The following DPP10 variants were observed in gnomAD, a reference collection of about 807,000 sequenced individuals.
DPP10 encodes dipeptidyl peptidase like 10.
In DPP10, 33 loss-of-function variants were observed where a neutral mutation model predicts 120.9. The ratio of observed to expected loss-of-function variants is 0.27; its 90% confidence interval spans 0.21 to 0.37. The LOEUF is 0.37. DPP10 is among the 10% of genes least tolerant of loss of function. The pLI, the probability that DPP10 is intolerant of heterozygous loss-of-function variation, is 1.00. For missense variants in DPP10, 816 were observed against 942.8 expected, an observed-to-expected ratio of 0.87 and a Z score of 1.76; for synonymous variants, 337 against 326.1, an observed-to-expected ratio of 1.03 and a Z score of -0.36.
intron 3 of DPP10, among the ~76,000 whole-genome samples, chr2:115,388,012 C>T (rs2067067691): frequency 6.6e-6 from 1 of 152,108 alleles, no homozygotes; most frequent in African/African-American, 2.4e-5. Flanking sequence ...ACAGAAAGCA[C>T]CTACACATGT....
intron 17 of DPP10, among the ~76,000 whole-genome samples, chr2:115,784,305 A>C (rs1683099948): frequency 6.6e-6 from 1 of 152,190 alleles, no homozygotes; most frequent in African/African-American, 2.4e-5. Flanking sequence ...TTTTTGGGCC[A>C]CATGAAGTAG....
chr2:114,985,807 G>A lies in DPP10; in HGVS notation c.61-323432G>A, dbSNP rs576975192. Among the ~76,000 whole-genome samples, 6 of 152,172 alleles carry A rather than the reference G, an allele frequency of 3.9e-5. No individual in the cohort carries two copies. In the South Asian group the frequency reaches 6.2e-4, roughly 16 times the overall value. Reference sequence around the variant, plus strand: ...AATCATTTATCTGTTTACCTGTTGCGTGTGTGTAATGTCTACAGCTTTATC... The same window carrying A: ...AATCATTTATCTGTTTACCTGTTGCATGTGTGTAATGTCTACAGCTTTATC... On this transcript the variant is annotated intron_variant, in intron 1 of 25. Coordinates refer to ENST00000410059, the MANE Select transcript of DPP10 (RefSeq NM_020868.6).
At chr2:115,813,140 C>A (rs1283653139) in intron 19 of DPP10, among the ~76,000 whole-genome samples, 1 of 147,008 alleles carries the variant, frequency 6.8e-6, no homozygotes, top group Non-Finnish European at 1.5e-5. Flanking sequence ...CGCCACCGCG[C>A]CCGGCTAATT....
At chr2:115,561,358 CAAAAAAAA>C (rs11421762) in intron 5 of DPP10, among the ~76,000 whole-genome samples, 48 of 59,820 alleles carry the variant, frequency 8.0e-4, no homozygotes, top group South Asian at 4.3e-3. Context: ...GACTCCATCA[CAAAAAAAA>C]AAAAAAAAAA....
At chr2:114,689,807 A>C (rs1335813087) in intron 1 of DPP10, among the ~76,000 whole-genome samples, 1 of 151,478 alleles carries the variant, frequency 6.6e-6, no homozygotes, top group East Asian at 2.0e-4. Flanking sequence ...TGAGGTTTTG[A>C]TTTGCGTTTC....
chr2:115,280,412 G>T (rs1303980004), intron 1 of DPP10, among the ~76,000 whole-genome samples: 1 of 152,160 alleles, frequency 6.6e-6, no homozygotes, highest in African/African-American at 2.4e-5. Context: ...GCCCAAAGCT[G>T]CACTCCGGAA....
At chr2:115,104,170 C>CTTTTTTTTT (rs35125894) in intron 1 of DPP10, among the ~76,000 whole-genome samples, 8 of 84,652 alleles carry the variant, frequency 9.5e-5, no homozygotes, top group African/African-American at 1.4e-4. Context: ...ATACATATGT[C>CTTTTTTTTT]TTTTTTTTTT....
intron 1 of DPP10, among the ~76,000 whole-genome samples, chr2:114,774,327 T>C (rs1440412080): frequency 2.0e-5 from 3 of 152,104 alleles, no homozygotes; most frequent in Admixed American, 6.6e-5. Context: ...TGCACAGCAG[T>C]AAGTGGAGTC....
chr2:114,760,003 C>G (rs140184752), intron 1 of DPP10, among the ~76,000 whole-genome samples: 1 of 152,158 alleles, frequency 6.6e-6, no homozygotes, highest in East Asian at 1.9e-4. Flanking sequence ...CTTCTTAAAT[C>G]GTCAAGTCAC....
intron 1 of DPP10, among the ~76,000 whole-genome samples, chr2:115,090,960 AC>A (rs1341200517): frequency 6.6e-6 from 1 of 152,122 alleles, no homozygotes; most frequent in Non-Finnish European, 1.5e-5. Flanking sequence ...TTAGGCTGAT[AC>A]CGTTTAGATT....
intron 1 of DPP10, among the ~76,000 whole-genome samples, chr2:114,622,176 T>G (rs532339272): frequency 6.6e-6 from 1 of 151,934 alleles, no homozygotes; most frequent in Non-Finnish European, 1.5e-5. Context: ...AAAACTAGCT[T>G]TTATTGAATG....
chr2:114,623,203 A>G (rs1001057248), intron 1 of DPP10, among the ~76,000 whole-genome samples: 6 of 152,100 alleles, frequency 3.9e-5, no homozygotes, highest in Non-Finnish European at 8.8e-5. Flanking sequence ...AATGCACTGA[A>G]TATTAAATGC....
At chr2:115,791,624 G>T (rs10201119) in intron 19 of DPP10, among the ~76,000 whole-genome samples, 292 of 152,266 alleles carry the variant, frequency 1.9e-3, no homozygotes, top group African/African-American at 6.8e-3. Flanking sequence ...GTGGGTGTCT[G>T]CTTAGCAATT....
intron 1 of DPP10, among the ~76,000 whole-genome samples, chr2:114,798,569 T>C (rs1024479606): frequency 6.6e-6 from 1 of 152,100 alleles, no homozygotes; most frequent in Non-Finnish European, 1.5e-5. Context: ...CATCTTATGA[T>C]TGCATCTGCA....
At chr2:115,568,200 A>C (rs1486631408) in intron 5 of DPP10, among the ~76,000 whole-genome samples, 1 of 142,772 alleles carries the variant, frequency 7.0e-6, no homozygotes, top group East Asian at 2.1e-4. Context: ...AAAAAAAAAA[A>C]AAGACTGGGA....
At chr2:115,197,711 G>A (rs1443912728) in intron 1 of DPP10, among the ~76,000 whole-genome samples, 1 of 152,176 alleles carries the variant, frequency 6.6e-6, no homozygotes, top group African/African-American at 2.4e-5. Context: ...TGAGATACCT[G>A]TGAATCTTGG....
intron 1 of DPP10, among the ~76,000 whole-genome samples, chr2:114,766,839 G>A (rs1680748302): frequency 6.6e-6 from 1 of 151,992 alleles, no homozygotes; most frequent in Non-Finnish European, 1.5e-5. Flanking sequence ...ACACTGTTCT[G>A]CATCCTGATT....
At chr2:114,959,299 T>C (rs1261892938) in intron 1 of DPP10, among the ~76,000 whole-genome samples, 2 of 152,238 alleles carry the variant, frequency 1.3e-5, no homozygotes, top group African/African-American at 2.4e-5. Context: ...TTGCCTATTC[T>C]AGACATTTCC....
At chr2:115,131,734 C>A (rs978171556) in intron 1 of DPP10, 3 of 152,014 alleles carry the variant, frequency 2.0e-5, no homozygotes, top group African/African-American at 7.2e-5. Context: ...ATATGAGTGA[C>A]CATGGCCTGG....
Sources: gnomAD v4.1 joint callset for allele counts (sites outside exome capture counted in the v4.1 genomes callset) on GRCh38, gnomAD v4.1.1 for gene constraint, MANE v1.5 for transcripts, NCBI Gene and HGNC (gene_info 2026-07-23, HGNC 2026-07-21) for gene names.